EPS15: variants seen among roughly 807,000 people sequenced by gnomAD.
EPS15 encodes epidermal growth factor receptor pathway substrate 15.
In EPS15, 72 loss-of-function variants were observed where a neutral mutation model predicts 113.8. That is an observed-to-expected ratio of 0.63 (90% CI 0.52 to 0.77). The LOEUF is 0.77. Among genes scored for constraint, EPS15 ranks in the 30% least tolerant of loss-of-function variants. The pLI is 0.00. For synonymous variants in EPS15, 344 were observed against 363.4 expected, an observed-to-expected ratio of 0.95 and a Z score of 0.61; for missense variants, 1,048 against 1,045.8, an observed-to-expected ratio of 1.00 and a Z score of -0.03.
Position 51,463,807 on chromosome 1 carries a change from A to G in EPS15, c.376-9T>C. 1 of 1,549,394 alleles carries G rather than the reference A, an allele frequency of 6.5e-7. No homozygotes were observed. ...TTGGCCTTATCTTCAGGCTACAATA[A>G]AAAACAAAATCACAAGTTAAATAAT... On this transcript the variant is annotated splice_polypyrimidine_tract_variant and intron_variant, in intron 6 of 24. Coordinates refer to ENST00000371733, the MANE Select transcript of EPS15 (RefSeq NM_001981.3).
intron 12 of EPS15, among the ~76,000 whole-genome samples, chr1:51,430,539 G>T (rs1651622355): frequency 6.7e-6 from 1 of 149,502 alleles, no homozygotes; most frequent in Admixed American, 6.7e-5. Context: ...CTGCACTCCT[G>T]CCTGGGTGAC....
intron 12 of EPS15, 86 bp from the exon 13 acceptor site, chr1:51,421,944 T>G: frequency 6.4e-7 from 1 of 1,570,974 alleles, no homozygotes; most frequent in South Asian, 1.2e-5. Context: ...CCTGAATCGC[T>G]TTTTAAATAC....
chr1:51,392,345 T>C (rs748664606), intron 21 of EPS15, among the ~76,000 whole-genome samples: 3 of 152,212 alleles, frequency 2.0e-5, no homozygotes, highest in Non-Finnish European at 4.4e-5. Context: ...ATGATTAGCA[T>C]GTTGACTGCT....
intron 13 of EPS15, among the ~76,000 whole-genome samples, chr1:51,412,295 C>T (rs1005866838): frequency 5.3e-5 from 8 of 152,146 alleles, no homozygotes; most frequent in African/African-American, 1.7e-4. Flanking sequence ...TTGATGGGTG[C>T]AGCCAACCAC....
intron 13 of EPS15, among the ~76,000 whole-genome samples, chr1:51,414,168 T>C (rs914503178): frequency 2.0e-5 from 3 of 152,198 alleles, no homozygotes; most frequent in East Asian, 1.9e-4. Context: ...TCCCAGCACT[T>C]TGGGAGGCTG....
chr1:51,372,293 G>A (rs1646675292), intron 21 of EPS15: 4 of 508,830 alleles, frequency 7.9e-6, no homozygotes, highest in South Asian at 5.9e-5. Flanking sequence ...AGAAGGCAGT[G>A]GTCCACCTTC....
chr1:51,473,179 A>C (rs1171997637), intron 2 of EPS15, among the ~76,000 whole-genome samples: 1 of 152,200 alleles, frequency 6.6e-6, no homozygotes, highest in Non-Finnish European at 1.5e-5. Context: ...TACCATACAA[A>C]TGAGAAAAGT....
chr1:51,492,896 C>T (rs1392991104), intron 1 of EPS15, among the ~76,000 whole-genome samples: 1 of 152,340 alleles, frequency 6.6e-6, no homozygotes, highest in South Asian at 2.1e-4. Flanking sequence ...TCACCAGCAG[C>T]TTGTCCACAT....
intron 21 of EPS15, among the ~76,000 whole-genome samples, chr1:51,393,363 C>G (rs150966794): frequency 4.6e-4 from 70 of 152,310 alleles, no homozygotes; most frequent in African/African-American, 1.3e-3. Flanking sequence ...GCACCCACCA[C>G]CATACCTGGC....
intron 5 of EPS15, among the ~76,000 whole-genome samples, chr1:51,467,916 T>C (rs1654961753): frequency 6.6e-6 from 1 of 152,106 alleles, no homozygotes; most frequent in Non-Finnish European, 1.5e-5. Flanking sequence ...ACCGTTAATA[T>C]ATAGCATGCT....
At chr1:51,357,526 G>A (rs1646267218) in intron 24 of EPS15, among the ~76,000 whole-genome samples, 1 of 142,180 alleles carries the variant, frequency 7.0e-6, no homozygotes, top group Admixed American at 7.2e-5. Context: ...GACAGGGCTA[G>A]CCTTTTTGAC....
rs1234574634 is a variant in EPS15 at position 51,354,710 on chromosome 1, T to C, written c.*1990A>G. 2 of 182,280 alleles carry C rather than the reference T, an allele frequency of 1.1e-5. No homozygotes were observed. Among genetic ancestry groups the C allele is most frequent in the Non-Finnish European group, 2.3e-5 (2 of 85,470 alleles). 11.3% of individuals were successfully genotyped at this position (182,280 alleles called of 1,614,324 possible). A position where few individuals can be genotyped will look rare whatever the true frequency, so the allele number is the denominator to read the frequency against. On this transcript the variant is annotated 3_prime_UTR_variant, in exon 25 of 25. Coordinates refer to ENST00000371733, the MANE Select transcript of EPS15 (RefSeq NM_001981.3). ...CACATATACATATATATTTATATAA[T>C]ATATACATACTTTAATATTATGTTG...
intron 1 of EPS15, among the ~76,000 whole-genome samples, chr1:51,501,658 T>C (rs1410298814): frequency 1.3e-5 from 2 of 151,902 alleles, no homozygotes; most frequent in African/African-American, 2.4e-5. Flanking sequence ...TTTGTGTTTT[T>C]AGTAGAGATG....
chr1:51,479,146 T>C (rs1486707541), intron 2 of EPS15, among the ~76,000 whole-genome samples: 1 of 152,196 alleles, frequency 6.6e-6, no homozygotes, highest in African/African-American at 2.4e-5. Context: ...CTTGGAGGCT[T>C]TGTTCGTTTC....
intron 8 of EPS15, among the ~76,000 whole-genome samples, chr1:51,455,633 G>A (rs74316645): frequency 0.033 from 4,965 of 151,782 alleles, 271 homozygotes; most frequent in African/African-American, 0.11. Flanking sequence ...ACAAAATGTC[G>A]CCTTAATGCT....
intron 21 of EPS15, among the ~76,000 whole-genome samples, chr1:51,381,782 C>T (rs2148382065): frequency 6.6e-6 from 1 of 152,098 alleles, no homozygotes; most frequent in South Asian, 2.1e-4. Flanking sequence ...GGAAACACAG[C>T]ATTACCAAAA....
At chr1:51,471,327 T>C (rs547989623) in intron 4 of EPS15, among the ~76,000 whole-genome samples, 1 of 152,376 alleles carries the variant, frequency 6.6e-6, no homozygotes, top group South Asian at 2.1e-4. Context: ...ATCTCACATG[T>C]GATTAACCAA....
At chr1:51,442,514 A>G (rs1652671417) in intron 11 of EPS15, among the ~76,000 whole-genome samples, 1 of 152,142 alleles carries the variant, frequency 6.6e-6, no homozygotes, top group Non-Finnish European at 1.5e-5. Context: ...AGTTTAGTTA[A>G]TATTTTATGT....
chr1:51,372,406 T>C (rs904146108), intron 21 of EPS15: 1 of 535,742 alleles, frequency 1.9e-6, no homozygotes, highest in Non-Finnish European at 3.8e-6. Flanking sequence ...ACAAAAGTAC[T>C]TGATGTATCC....
Sources: gnomAD v4.1 joint callset for allele counts (sites outside exome capture counted in the v4.1 genomes callset) on GRCh38, gnomAD v4.1.1 for gene constraint, MANE v1.5 for transcripts, NCBI Gene and HGNC (gene_info 2026-07-23, HGNC 2026-07-21) for gene names.